Variants in PARN observed in about 807,000 individuals in gnomAD.
The protein encoded by PARN is poly(A)-specific ribonuclease.
PARN carries 71 observed loss-of-function variants against 102.8 expected under a neutral mutation model. That is an observed-to-expected ratio of 0.69 (90% CI 0.57 to 0.84). The LOEUF (loss-of-function observed/expected upper bound fraction) is 0.84. Ranked by LOEUF, PARN falls within the 40% of genes least tolerant of loss-of-function variation. PARN has a pLI of 0.00. For missense variants in PARN, 782 were observed against 760.9 expected, an observed-to-expected ratio of 1.03 and a Z score of -0.33; for synonymous variants, 261 against 252.9, an observed-to-expected ratio of 1.03 and a Z score of -0.30.
intron 6 of PARN, among the ~76,000 whole-genome samples, chr16:14,616,097 T>C (rs4780754): frequency 0.075 from 11,420 of 152,192 alleles, 629 homozygotes; most frequent in East Asian, 0.16. Context: ...AAAAACAAAA[T>C]TTATGTAAAT....
rs888389571 is a variant in PARN at position 14,617,612 on chromosome 16, A to G, written c.366T>C (p.Asp122=). 1 of 1,589,376 alleles carries G rather than the reference A, an allele frequency of 6.3e-7. No homozygotes were observed. The highest frequency in any genetic ancestry group is 1.3e-5 in the African/African-American group (1 of 74,580). The change falls in exon 6 of 24, where the codon GAT becomes GAC. Residue 122 remains aspartate (D), a synonymous_variant. Transcript: ENST00000437198. The part of the protein sequence containing the change: ...SIDFLASQGF[D]FNKVFRNGIP... ...TACCATTTCGAAAAACTTTATTAAA[A>G]TCAAATCCCTGGCTTGCTAGAAAGT...
chr16:14,606,367 A>T, intron 10 of PARN, 117 bp downstream of exon 10: 1 of 527,616 alleles, frequency 1.9e-6, no homozygotes, highest in Non-Finnish European at 3.3e-6. Context: ...ACTGCACTCC[A>T]GCCTGGGTAA....
rs1961230346 is a variant in PARN at position 14,446,998 on chromosome 16, T to G, written c.1754A>C (p.Glu585Ala). ...CTGCTCAAGCTCAGTGTCGGAAATCTCCCCTGACACTCCGTCCTCCAGGCC... is the reference window on the plus strand; with the variant it reads ...CTGCTCAAGCTCAGTGTCGGAAATCGCCCCTGACACTCCGTCCTCCAGGCC... Reference protein sequence around the residue: ...EAGLEDGVSGEISDTELEQTD... With the variant: ...EAGLEDGVSGAISDTELEQTD... Residue 585 changes from glutamate to alanine, a missense_variant, in exon 23 of 24, where the codon GAG (glutamate) becomes GCG (alanine). Transcript: ENST00000437198. The G allele has an allele frequency of 6.2e-7, 1 of 1,612,964 alleles. No homozygotes were observed. The highest frequency in any genetic ancestry group is 1.3e-5 in the African/African-American group (1 of 74,886).
chr16:14,436,542 G>GA lies in PARN; in HGVS notation c.*174dup, dbSNP rs908488552. 6.6e-6 allele frequency: 4 copies of GA among 609,856 alleles called. No individual in the cohort carries two copies. Among genetic ancestry groups the GA allele is most frequent in the South Asian group, 2.0e-5 (1 of 50,380 alleles). The allele number at this position is 609,856 out of a possible 1,614,324, so 37.8% of individuals were successfully genotyped here. On this transcript the variant is annotated 3_prime_UTR_variant, in exon 24 of 24. Coordinates refer to ENST00000437198, the MANE Select transcript of PARN (RefSeq NM_002582.4). ...CAACAGGCAGTTAGATTAAAAAGGG[G>GA]AAAAAACCACAGCCACAAAAATAAA...
At chr16:14,603,500 C>T (rs17261004) in intron 11 of PARN, among the ~76,000 whole-genome samples, 27,070 of 152,022 alleles carry the variant, frequency 0.18, 3,121 homozygotes, top group Middle Eastern at 0.29. Flanking sequence ...CAGTCTACCC[C>T]GTTGTGCAAA....
At chr16:14,541,955 C>T (rs1966843548) in intron 21 of PARN, among the ~76,000 whole-genome samples, 1 of 152,048 alleles carries the variant, frequency 6.6e-6, no homozygotes, top group Admixed American at 6.5e-5. Context: ...GGAAACCATC[C>T]CAACAACAGG....
intron 23 of PARN, among the ~76,000 whole-genome samples, chr16:14,444,076 T>A (rs1961080074): frequency 6.6e-6 from 1 of 152,190 alleles, no homozygotes; most frequent in Non-Finnish European, 1.5e-5. Flanking sequence ...CTTATTAAAG[T>A]AAATGAGCAA....
intron 9 of PARN, among the ~76,000 whole-genome samples, chr16:14,607,369 G>A (rs1016193256): frequency 3.3e-5 from 5 of 151,866 alleles, no homozygotes; most frequent in South Asian, 2.1e-4. Context: ...CACCATGTCC[G>A]GCTAAATTTT....
In PARN at chr16:14,629,957, C is replaced by T. The variant is rs187645317; in HGVS notation, c.19+150G>A. ...GTGCACGGTCCGCAGCCGGAAAAGA[C>T]CCCAAGAGGCGCACCGGCTTAAGGA... On this transcript the variant is annotated intron_variant, in intron 1 of 23. Coordinates refer to ENST00000437198, the MANE Select transcript of PARN (RefSeq NM_002582.4). The T allele has an allele frequency of 1.2e-5, 9 of 735,202 alleles. No homozygotes were observed. In the Admixed American group the frequency reaches 1.6e-4, roughly 13 times the overall value. 45.5% of individuals were successfully genotyped at this position (735,202 alleles called of 1,614,324 possible). A position where few individuals can be genotyped will look rare whatever the true frequency, so the allele number is the denominator to read the frequency against.
In PARN at chr16:14,528,600, G is replaced by T. The variant is rs149177285; in HGVS notation, c.1480+23421C>A. ...TGACTCTGTGATATTTTATTGTCTG[G>T]ATTTCTGAATAGACTGATGTGGGGG... On this transcript the variant is annotated intron_variant, in intron 21 of 23. Transcript: ENST00000437198. Among the ~76,000 whole-genome samples, 8 of 152,238 alleles carry T rather than the reference G, an allele frequency of 5.3e-5. No homozygotes were observed. The East Asian group carries it at 1.5e-3, about 29-fold the overall frequency.
intron 20 of PARN, 30 bp from the exon 21 acceptor site, chr16:14,552,125 C>T (rs1408177664): frequency 1.4e-6 from 2 of 1,397,252 alleles, no homozygotes; most frequent in Admixed American, 3.4e-5. Context: ...GTAAAGTGAA[C>T]ATTTGACCAT....
intron 22 of PARN, among the ~76,000 whole-genome samples, chr16:14,467,259 G>C (rs1343524806): frequency 6.6e-6 from 1 of 152,148 alleles, no homozygotes; most frequent in African/African-American, 2.4e-5. Context: ...TTACCAGAAG[G>C]AGAAGAAATG....
intron 22 of PARN, among the ~76,000 whole-genome samples, chr16:14,449,610 G>C (rs1029055716): frequency 6.6e-6 from 1 of 152,076 alleles, no homozygotes; most frequent in African/African-American, 2.4e-5. Flanking sequence ...CACAGATAAA[G>C]GGTTAATGTC....
At chr16:14,516,412 G>C (rs935908471) in intron 21 of PARN, among the ~76,000 whole-genome samples, 1 of 152,002 alleles carries the variant, frequency 6.6e-6, no homozygotes. Context: ...TGCGAAAACG[G>C]ATCCAAAACA....
chr16:14,438,406 TAATCTGCACCTGCC>T (rs914964822), intron 23 of PARN, among the ~76,000 whole-genome samples: 18 of 138,254 alleles, frequency 1.3e-4, no homozygotes, highest in South Asian at 5.0e-4. Flanking sequence ...GCAATACTTG[TAATCTGCACCTGCC>T]AATCTGCACC....
At chr16:14,447,778 G>A (rs1596435209) in intron 22 of PARN, among the ~76,000 whole-genome samples, 1 of 152,210 alleles carries the variant, frequency 6.6e-6, no homozygotes, top group East Asian at 1.9e-4. Context: ...CTCTAAATGG[G>A]TCTTAGAGAT....
chr16:14,453,252 G>A (rs1448916290), intron 22 of PARN, among the ~76,000 whole-genome samples: 1 of 152,198 alleles, frequency 6.6e-6, no homozygotes. Context: ...TTTGATTAGT[G>A]TTTTGTTAAA....
At chr16:14,557,934 A>T (rs549667569) in intron 18 of PARN, among the ~76,000 whole-genome samples, 1 of 152,284 alleles carries the variant, frequency 6.6e-6, no homozygotes, top group African/African-American at 2.4e-5. Context: ...ACACACTGGA[A>T]CTATCATTAT....
chr16:14,554,107 C>A lies in PARN; in HGVS notation c.1363G>T (p.Glu455Ter). 1 of 1,613,492 alleles carries A rather than the reference C, an allele frequency of 6.2e-7. No individual in the cohort carries two copies. The highest frequency in any genetic ancestry group is 8.5e-7 in the Non-Finnish European group (1 of 1,179,690). The change falls in exon 20 of 24, where the codon GAA becomes TAA. Residue 455 changes from glutamate to a stop codon, truncating the protein, a stop_gained. Transcript: ENST00000437198. LOFTEE classifies it high-confidence loss of function. The part of the protein sequence containing the change: ...DHVLHVTFPK[E>*]WKTSDLYQLF... The stretch of plus-strand genomic sequence containing the variant: ...TGGTAAAGGTCGCTGGTTTTCCATT[C>A]TTTGGGGAATGTCACATGGAGAACA...
Sources: allele counts gnomAD v4.1 joint callset (sites outside exome capture counted in the v4.1 genomes callset), GRCh38; gene constraint gnomAD v4.1.1; transcripts MANE v1.5; gene names NCBI Gene and HGNC (gene_info 2026-07-23, HGNC 2026-07-21).